PKHD1: variants seen among roughly 807,000 people sequenced by gnomAD.
PKHD1 encodes fibrocystin.
PKHD1 carries 291 observed loss-of-function variants against 412.0 expected under a neutral mutation model. The observed-to-expected ratio is 0.71, with a 90% CI of 0.64 to 0.78. PKHD1 has a LOEUF of 0.78. Among genes scored for constraint, PKHD1 ranks in the 30% least tolerant of loss-of-function variants. The pLI, the probability that PKHD1 is intolerant of heterozygous loss-of-function variation, is 0.00. For synonymous variants in PKHD1, 1,777 were observed against 1,821.5 expected (o/e 0.98, Z 0.62); for missense variants, 4,825 against 4,950.7 (o/e 0.97, Z 0.76).
chr6:51,666,231 G>GA (rs888083222), intron 60 of PKHD1, among the ~76,000 whole-genome samples: 8 of 151,814 alleles, frequency 5.3e-5, no homozygotes, highest in South Asian at 2.1e-4. Context: ...TTTAAAATGA[G>GA]AAAAAAATCA....
In PKHD1 at chr6:52,017,436, A is replaced by G; in HGVS notation, c.5574T>C (p.Phe1858=). ...TGATAAAGAGGCCCGAGAATGATGG[A>G]AACATTGACTCTGCCCAATGATCTG... ...FVPDHWAESM[F]PSFSGLFISP... Residue 1858 remains phenylalanine, a synonymous_variant, in exon 34 of 67, where the codon TTT becomes TTC. Coordinates refer to ENST00000371117, the MANE Select transcript of PKHD1 (RefSeq NM_138694.4). 6.2e-7 allele frequency: 1 copy of G among 1,613,524 alleles called. No individual in the cohort carries two copies. The highest frequency in any genetic ancestry group is 8.5e-7 in the Non-Finnish European group (1 of 1,179,392).
intron 35 of PKHD1, among the ~76,000 whole-genome samples, chr6:51,960,636 C>A (rs966961969): frequency 6.6e-6 from 1 of 152,094 alleles, no homozygotes; most frequent in Admixed American, 6.6e-5. Flanking sequence ...GTTGCCTTTC[C>A]CCCTGTGCCT....
At chr6:51,790,474 C>T (rs957414992) in intron 53 of PKHD1, among the ~76,000 whole-genome samples, 4 of 152,170 alleles carry the variant, frequency 2.6e-5, no homozygotes, top group African/African-American at 9.7e-5. Context: ...TCTCCGAGCA[C>T]CTACTGATTC....
At chr6:51,987,161 G>T (rs1261166012) in intron 35 of PKHD1, among the ~76,000 whole-genome samples, 1 of 152,210 alleles carries the variant, frequency 6.6e-6, no homozygotes, top group Non-Finnish European at 1.5e-5. Context: ...CAGAATCTCA[G>T]AGTCCAGTTG....
At position 51,671,167 on chromosome 6, in the gene PKHD1, C is replaced by T. The variant is rs565203575; in HGVS notation, c.10157-11198G>A. 6.6e-3 allele frequency among the ~76,000 whole-genome samples: 998 copies of T among 152,184 alleles called. 3 individuals are homozygous for T. The highest frequency in any genetic ancestry group is 9.1e-3 in the Non-Finnish European group (616 of 68,006). On this transcript the variant is annotated intron_variant, in intron 60 of 66. Coordinates refer to ENST00000371117, the MANE Select transcript of PKHD1 (RefSeq NM_138694.4). Reference sequence around the variant, plus strand: ...TTTTCCAACTTGGTTCCATTCTCCCCGTCATTTTCAGGTACACCAATCAGA... The same window carrying T: ...TTTTCCAACTTGGTTCCATTCTCCCTGTCATTTTCAGGTACACCAATCAGA...
intron 53 of PKHD1, among the ~76,000 whole-genome samples, chr6:51,788,765 A>T (rs550462674): frequency 1.4e-5 from 2 of 147,876 alleles, no homozygotes; most frequent in South Asian, 4.2e-4. Flanking sequence ...ATCCCTTCAA[A>T]CTGTCTAATG....
chr6:51,710,685 T>C (rs1342319853), intron 60 of PKHD1, among the ~76,000 whole-genome samples: 1 of 152,168 alleles, frequency 6.6e-6, no homozygotes, highest in Non-Finnish European at 1.5e-5. Context: ...GAATATACAC[T>C]CAATACTCAA....
At chr6:52,075,058 T>C (rs997915709) in intron 6 of PKHD1, among the ~76,000 whole-genome samples, 1 of 152,222 alleles carries the variant, frequency 6.6e-6, no homozygotes, top group South Asian at 2.1e-4. Flanking sequence ...CAGGAGTTTC[T>C]AACATCAGAG....
chr6:51,860,859 T>C lies in PKHD1; in HGVS notation c.7734-4789A>G, dbSNP rs185011050. The stretch of plus-strand genomic sequence containing the variant: ...GGAGTTTCACTCTTGTTGCCCAGGC[T>C]GGAGCACAGTGGCATGATCTCGGCT... On this transcript the variant is annotated intron_variant, in intron 48 of 66. Transcript: ENST00000371117. Among the ~76,000 whole-genome samples, 385 of 152,274 alleles carry C rather than the reference T, an allele frequency of 2.5e-3. 1 individual carries two copies. Among genetic ancestry groups the C allele is most frequent in the African/African-American group, 8.5e-3 (355 of 41,552 alleles).
At chr6:51,900,908 C>A (rs1395264275) in intron 43 of PKHD1, among the ~76,000 whole-genome samples, 1 of 152,156 alleles carries the variant, frequency 6.6e-6, no homozygotes, top group African/African-American at 2.4e-5. Flanking sequence ...CCAAAAAACA[C>A]ATAAAAAAAT....
At chr6:52,000,780 G>T (rs1368812722) in intron 35 of PKHD1, among the ~76,000 whole-genome samples, 1 of 152,102 alleles carries the variant, frequency 6.6e-6, no homozygotes, top group East Asian at 1.9e-4. Context: ...ACTTTTGGGA[G>T]CCAAAATATG....
intron 35 of PKHD1, among the ~76,000 whole-genome samples, chr6:51,960,692 C>T (rs548851729): frequency 1.4e-3 from 216 of 152,246 alleles, no homozygotes; most frequent in Non-Finnish European, 2.2e-3. Flanking sequence ...AGGCAGAATG[C>T]CGACTGACTT....
chr6:52,048,352 G>A (rs1806191869), intron 23 of PKHD1, 140 bp downstream of exon 23: 2 of 908,806 alleles, frequency 2.2e-6, no homozygotes, highest in East Asian at 4.8e-5. Context: ...CTTTAAGAAT[G>A]TCACTTTCAG....
In PKHD1 at chr6:51,887,691, G is replaced by A. The variant is rs144198793; in HGVS notation, c.6997-446C>T. 4.1e-4 allele frequency among the ~76,000 whole-genome samples: 62 copies of A among 152,258 alleles called. 1 individual carries two copies. In the East Asian group the frequency reaches 4.4e-3, roughly 11 times the overall value. ...GCCTGCTCCTGCTTTGCCTTCTGCC[G>A]TGAGTAAAGGCTCCCTGAGACCTGA... On this transcript the variant is annotated intron_variant, in intron 43 of 66. Coordinates refer to ENST00000371117, the MANE Select transcript of PKHD1 (RefSeq NM_138694.4).
chr6:51,826,076 C>T (rs188019431), intron 52 of PKHD1, among the ~76,000 whole-genome samples: 2 of 151,828 alleles, frequency 1.3e-5, no homozygotes, highest in East Asian at 3.9e-4. Flanking sequence ...GTTTTATAAT[C>T]ACAAGATTTC....
At chr6:51,854,975 T>C (rs748425226) in intron 49 of PKHD1, among the ~76,000 whole-genome samples, 1 of 152,284 alleles carries the variant, frequency 6.6e-6, no homozygotes. Context: ...CCGCGGGAGT[T>C]TGGTAGGCTT....
intron 60 of PKHD1, among the ~76,000 whole-genome samples, chr6:51,671,769 C>A (rs188809736): frequency 6.6e-6 from 1 of 152,120 alleles, no homozygotes; most frequent in Admixed American, 6.5e-5. Context: ...TTCTAACAGA[C>A]AGGACCCTCA....
intron 27 of PKHD1, among the ~76,000 whole-genome samples, chr6:52,040,063 TAGAC>T (rs1440393948): frequency 6.6e-6 from 1 of 152,178 alleles, no homozygotes; most frequent in Non-Finnish European, 1.5e-5. Flanking sequence ...CAAATTCACT[TAGAC>T]AGAAAATATA....
At position 51,795,881 on chromosome 6, in the gene PKHD1, A is replaced by G. The variant is rs551428166; in HGVS notation, c.8303-4508T>C. ...TTCCAGGGACGAAGACTACTTGATC[A>G]TGCTGGATAAACTTTTTGATGTGCT... On this transcript the variant is annotated intron_variant, in intron 52 of 66. Coordinates refer to ENST00000371117, the MANE Select transcript of PKHD1 (RefSeq NM_138694.4). Among the ~76,000 whole-genome samples, 11 of 152,286 alleles carry G rather than the reference A, an allele frequency of 7.2e-5. No individual in the cohort carries two copies. The East Asian group carries it at 1.9e-3, about 27-fold the overall frequency.
Sources: gnomAD v4.1 joint callset for allele counts (sites outside exome capture counted in the v4.1 genomes callset) on GRCh38, gnomAD v4.1.1 for gene constraint, MANE v1.5 for transcripts, NCBI Gene and HGNC (gene_info 2026-07-23, HGNC 2026-07-21) for gene names.